The following CNTNAP2 variants were observed in gnomAD, a reference collection of about 807,000 sequenced individuals.
The protein encoded by CNTNAP2 is contactin associated protein 2.
In CNTNAP2, 98 loss-of-function variants were observed where a neutral mutation model predicts 155.2. The ratio of observed to expected loss-of-function variants is 0.63; its 90% CI spans 0.54 to 0.75. The LOEUF (loss-of-function observed/expected upper bound fraction) is 0.75, where lower values mean the gene tolerates loss of function less well. CNTNAP2 is among the 30% of genes least tolerant of loss of function. The probability of loss-of-function intolerance (pLI) is 0.00; values close to 1 mark genes in which losing one functional copy is unlikely to be tolerated. For synonymous variants in CNTNAP2, 651 were observed against 631.2 expected (o/e 1.03, Z -0.47); for missense variants, 1,727 against 1,688.1 (o/e 1.02, Z -0.40).
chr7:147,780,944 G>A (rs571933422), intron 13 of CNTNAP2, among the ~76,000 whole-genome samples: 12 of 152,214 alleles, frequency 7.9e-5, no homozygotes, highest in African/African-American at 2.6e-4. Context: ...TTCCAAGTGA[G>A]GAGACAGGTT....
At chr7:147,376,161 A>G (rs544951792) in intron 9 of CNTNAP2, among the ~76,000 whole-genome samples, 1 of 152,234 alleles carries the variant, frequency 6.6e-6, no homozygotes, top group South Asian at 2.1e-4. Context: ...TGGATTCATC[A>G]TTAAACATAC....
At chr7:146,639,640 G>A (rs1330181923) in intron 1 of CNTNAP2, among the ~76,000 whole-genome samples, 1 of 152,210 alleles carries the variant, frequency 6.6e-6, no homozygotes, top group Non-Finnish European at 1.5e-5. Context: ...CTCCTCCAGG[G>A]AGTGGAGTTG....
chr7:146,157,460 G>A (rs892999884), intron 1 of CNTNAP2, among the ~76,000 whole-genome samples: 2 of 152,070 alleles, frequency 1.3e-5, no homozygotes, highest in Non-Finnish European at 2.9e-5. Flanking sequence ...GGAAGCACAA[G>A]GGGTCAAGGA....
At chr7:147,160,999 T>A (rs1802013909) in intron 8 of CNTNAP2, among the ~76,000 whole-genome samples, 1 of 152,132 alleles carries the variant, frequency 6.6e-6, no homozygotes, top group Non-Finnish European at 1.5e-5. Flanking sequence ...GATTTTTAGC[T>A]GCGACATTAG....
intron 18 of CNTNAP2, among the ~76,000 whole-genome samples, chr7:148,216,508 C>A (rs1172447790): frequency 3.3e-5 from 5 of 152,140 alleles, no homozygotes; most frequent in Non-Finnish European, 5.9e-5. Context: ...GTATGAATAT[C>A]CAAGCAAATT....
At chr7:148,343,859 C>T (rs1043637020) in intron 21 of CNTNAP2, among the ~76,000 whole-genome samples, 4 of 152,116 alleles carry the variant, frequency 2.6e-5, no homozygotes, top group Non-Finnish European at 5.9e-5. Flanking sequence ...AACCATATAT[C>T]TCTTTTATAT....
chr7:148,164,874 C>T (rs1805621558), intron 17 of CNTNAP2, among the ~76,000 whole-genome samples: 1 of 151,664 alleles, frequency 6.6e-6, no homozygotes. Flanking sequence ...TCTCAAACTC[C>T]TGACCTCAGG....
chr7:147,261,315 C>G (rs549913576), intron 8 of CNTNAP2, among the ~76,000 whole-genome samples: 2 of 152,260 alleles, frequency 1.3e-5, no homozygotes, highest in South Asian at 4.1e-4. Context: ...GGGACTACTT[C>G]CTTACTAAGC....
intron 10 of CNTNAP2, among the ~76,000 whole-genome samples, chr7:147,417,831 A>C (rs1797224961): frequency 6.6e-6 from 1 of 152,238 alleles, no homozygotes; most frequent in Non-Finnish European, 1.5e-5. Context: ...GTTATGCAAA[A>C]GTGTATTAAA....
At chr7:148,099,304 G>C (rs1319420412) in intron 15 of CNTNAP2, among the ~76,000 whole-genome samples, 1 of 152,116 alleles carries the variant, frequency 6.6e-6, no homozygotes, top group African/African-American at 2.4e-5. Context: ...CATTATCATA[G>C]ATTTTAGCTA....
chr7:147,453,428 G>T (rs967427921), intron 10 of CNTNAP2, among the ~76,000 whole-genome samples: 4 of 152,102 alleles, frequency 2.6e-5, no homozygotes, highest in African/African-American at 9.7e-5. Flanking sequence ...CCCCATTACG[G>T]TGTGATCTCC....
At chr7:147,031,992 A>G (rs1449346010) in intron 3 of CNTNAP2, among the ~76,000 whole-genome samples, 3 of 152,240 alleles carry the variant, frequency 2.0e-5, no homozygotes, top group African/African-American at 7.2e-5. Flanking sequence ...GCATTAATTG[A>G]AAAGAATATT....
intron 15 of CNTNAP2, among the ~76,000 whole-genome samples, chr7:148,034,697 G>A (rs1046184426): frequency 6.6e-6 from 1 of 152,212 alleles, no homozygotes; most frequent in African/African-American, 2.4e-5. Flanking sequence ...CTTTGGAACT[G>A]TATAATGGGT....
intron 21 of CNTNAP2, among the ~76,000 whole-genome samples, chr7:148,335,602 G>A (rs1380729863): frequency 6.6e-6 from 1 of 152,176 alleles, no homozygotes; most frequent in Non-Finnish European, 1.5e-5. Flanking sequence ...AGATTAGGCA[G>A]ACATCAGTAA....
At chr7:146,148,309 A>G (rs10216036) in intron 1 of CNTNAP2, among the ~76,000 whole-genome samples, 48,978 of 151,874 alleles carry the variant, frequency 0.32, 9,596 homozygotes, top group African/African-American at 0.55. Context: ...TTTCTCTTAG[A>G]GCAAGTCGTC....
intron 15 of CNTNAP2, among the ~76,000 whole-genome samples, chr7:147,985,582 A>G (rs1172489142): frequency 6.6e-6 from 1 of 151,984 alleles, no homozygotes; most frequent in African/African-American, 2.4e-5. Flanking sequence ...CTTAGTGGAG[A>G]AAAGATCCCC....
chr7:148,177,239 G>T (rs960257), intron 18 of CNTNAP2, among the ~76,000 whole-genome samples: 108,013 of 152,076 alleles, frequency 0.71, 39,931 homozygotes, highest in African/African-American at 0.93. Flanking sequence ...TGTGATTATG[G>T]TAAGTTGAGG....
At chr7:146,799,842 C>T (rs187342239) in intron 2 of CNTNAP2, among the ~76,000 whole-genome samples, 34 of 152,214 alleles carry the variant, frequency 2.2e-4, no homozygotes, top group Admixed American at 1.6e-3. Context: ...GATAATTGCA[C>T]CTATCTCACA....
At chr7:147,806,016 T>TA (rs1159009589) in intron 13 of CNTNAP2, among the ~76,000 whole-genome samples, 1 of 152,098 alleles carries the variant, frequency 6.6e-6, no homozygotes, top group Non-Finnish European at 1.5e-5. Flanking sequence ...TACATCAAGC[T>TA]AAAAATCTCC....
Sources: gnomAD v4.1 joint callset for allele counts (sites outside exome capture counted in the v4.1 genomes callset) on GRCh38, gnomAD v4.1.1 for gene constraint, MANE v1.5 for transcripts, NCBI Gene and HGNC (gene_info 2026-07-23, HGNC 2026-07-21) for gene names.